RGR: variants seen among roughly 807,000 people sequenced by gnomAD.
The protein encoded by RGR is retinal G protein coupled receptor, also known as RPE-retinal G protein-coupled receptor.
A neutral mutation model predicts 28.6 loss-of-function variants in RGR; 30 were observed. The observed-to-expected ratio is 1.05, with a 90% CI of 0.78 to 1.42. RGR has a LOEUF of 1.42. Among genes scored for constraint, RGR ranks in the 40% most tolerant of loss-of-function variants. RGR has a pLI of 0.00. For missense variants in RGR, 404 were observed against 375.6 expected (o/e 1.08, Z -0.62); for synonymous variants, 180 against 156.4 (o/e 1.15, Z -1.13).
chr10:84,247,712 G>A lies in RGR; in HGVS notation c.201G>A (p.Leu67=), dbSNP rs372829444. 125 of 1,614,180 alleles carry A rather than the reference G, an allele frequency of 7.7e-5. No homozygotes were observed. Among genetic ancestry groups the A allele is most frequent in the Non-Finnish European group, 9.9e-5 (117 of 1,180,048 alleles). The change falls in exon 2 of 7, where the codon CTG becomes CTA. Residue 67 remains leucine (L), a synonymous_variant. Transcript: ENST00000652092. ...CTCTTGCGGACAGTGGGATCAGCCT[G>A]AATGCCCTCGTTGCAGCCACATCCA... The part of the protein sequence containing the change: ...SLALADSGIS[L]NALVAATSSL...
chr10:84,256,059 C>CTTTTTTTTTTTTTTTTTTTTTTT (rs61441525), intron 5 of RGR, among the ~76,000 whole-genome samples: 1 of 54,358 alleles, frequency 1.8e-5, no homozygotes, highest in Non-Finnish European at 3.1e-5. Context: ...TTTTTCCTTT[C>CTTTTTTTTTTTTTTTTTTTTTTT]TTTTTTTTTT....
At chr10:84,252,709 G>A in intron 3 of RGR, 148 bp from the exon 4 acceptor site, 1 of 1,035,928 alleles carries the variant, frequency 9.7e-7, no homozygotes, top group Non-Finnish European at 1.5e-6. Context: ...GGATGTAGTG[G>A]CTCAATCCTG....
Position 84,254,436 on chromosome 10 carries a change from A to G in RGR, c.623A>G (p.His208Arg). Residue 208 changes from histidine to arginine, a missense_variant, in exon 5 of 7, where the codon CAT becomes CGT. By Grantham distance (29) the His-to-Arg change is conservative. Transcript: ENST00000652092. ...LMEQKLGKSG[H>R]LQVNTTLPAR... ...GAGCAGAAACTGGGGAAGAGTGGCC[A>G]TCTCCAGGTAAGGACCCCCTTCCGG... The G allele has an allele frequency of 6.2e-7, 1 of 1,613,534 alleles. No individual in the cohort carries two copies. Among genetic ancestry groups the G allele is most frequent in the South Asian group, 1.1e-5 (1 of 91,054 alleles).
Position 84,252,996 on chromosome 10 carries a change from C to G in RGR, c.498C>G (p.Tyr166Ter). Residue 166 changes from tyrosine to a stop codon, truncating the protein, a stop_gained, in exon 4 of 7, where the codon TAC (tyrosine) becomes TAG (stop). Coordinates refer to ENST00000652092, the MANE Select transcript of RGR (RefSeq NM_001012720.2). LOFTEE classifies it high-confidence loss of function. ...EPLGTCCTLD[Y>*]SKGDRNFTSF... ...TGGGGACATGCTGCACCCTGGACTA[C>G]TCCAAGGGGGACAGGTGAGGTGGGA... The G allele has an allele frequency of 6.2e-7, 1 of 1,613,674 alleles. No individual in the cohort carries two copies.
intron 1 of RGR, among the ~76,000 whole-genome samples, chr10:84,247,242 A>C (rs1487062611): frequency 6.6e-6 from 1 of 152,076 alleles, no homozygotes; most frequent in Non-Finnish European, 1.5e-5. Flanking sequence ...TGAAATCCAA[A>C]AGGCCTGAAT....
At chr10:84,247,800 C>T in intron 2 of RGR, 53 bp downstream of exon 2, 1 of 1,612,490 alleles carries the variant, frequency 6.2e-7, no homozygotes, top group Non-Finnish European at 8.5e-7. Flanking sequence ...TGGGGCCTGA[C>T]CCCTGGGCCC....
intron 3 of RGR, among the ~76,000 whole-genome samples, chr10:84,252,076 G>T (rs1224817840): frequency 6.6e-6 from 1 of 152,216 alleles, no homozygotes; most frequent in Non-Finnish European, 1.5e-5. Context: ...CCAGATCCAG[G>T]AGGAACCACT....
At chr10:84,249,115 G>C in intron 3 of RGR, 72 bp downstream of exon 3, 2 of 1,592,924 alleles carry the variant, frequency 1.3e-6, no homozygotes, top group Non-Finnish European at 1.7e-6. Flanking sequence ...GGGAGGGGCA[G>C]TCATAACTAG....
At chr10:84,247,459 C>A in intron 1 of RGR, 132 bp from the exon 2 acceptor site, 1 of 1,087,422 alleles carries the variant, frequency 9.2e-7, no homozygotes, top group Non-Finnish European at 1.4e-6. Context: ...TAGCATGAAG[C>A]ATGCTACCCT....
intron 2 of RGR, 166 bp from the exon 3 acceptor site, chr10:84,248,756 C>G: frequency 7.9e-7 from 1 of 1,266,656 alleles, no homozygotes; most frequent in Non-Finnish European, 1.1e-6. Context: ...ACCCCTTCAG[C>G]CCAGTTACTT....
At chr10:84,248,825 G>A (rs1419682934) in intron 2 of RGR, 97 bp from the exon 3 acceptor site, 3 of 1,608,602 alleles carry the variant, frequency 1.9e-6, no homozygotes, top group Non-Finnish European at 2.6e-6. Flanking sequence ...GAGAAGAAGG[G>A]CAGCATTCAG....
At chr10:84,252,018 C>T (rs1842824095) in intron 3 of RGR, among the ~76,000 whole-genome samples, 1 of 151,952 alleles carries the variant, frequency 6.6e-6, no homozygotes, top group Non-Finnish European at 1.5e-5. Flanking sequence ...AGGAGTATGA[C>T]AAAAAAACAG....
In RGR at chr10:84,245,243, G is replaced by A. The variant is rs973899608; in HGVS notation, c.79+74G>A. 2.7e-6 allele frequency: 4 copies of A among 1,486,218 alleles called. No individual in the cohort carries two copies. In the African/African-American group the frequency reaches 4.1e-5, roughly 15 times the overall value. The allele number at this position is 1,486,218 out of a possible 1,614,324, so 92.1% of individuals were successfully genotyped here. On this transcript the variant is annotated intron_variant, in intron 1 of 6. Coordinates refer to ENST00000652092, the MANE Select transcript of RGR (RefSeq NM_001012720.2). The stretch of plus-strand genomic sequence containing the variant: ...GGACCCAGGCCACCAGTGTGGAGCT[G>A]GCAAGGAGAGGAGAGGTCCCCAAAC...
rs199679824 is a variant in RGR, at chr10:84,247,693, C to A, written c.182C>A (p.Ala61Glu). The change falls in exon 2 of 7, where the codon GCG (alanine) becomes GAG (glutamate). Residue 61 changes from alanine (A) to glutamate (E), a missense_variant. Ala to Glu is a moderately radical substitution (Grantham distance 107, BLOSUM62 -1). Coordinates refer to ENST00000652092, the MANE Select transcript of RGR (RefSeq NM_001012720.2). Reference sequence around the variant, plus strand: ...CTACTGGTGCTGAGCTTGGCTCTTGCGGACAGTGGGATCAGCCTGAATGCC... The same window carrying A: ...CTACTGGTGCTGAGCTTGGCTCTTGAGGACAGTGGGATCAGCCTGAATGCC... ...CHLLVLSLALADSGISLNALV... is the reference protein window; with the variant it reads ...CHLLVLSLALEDSGISLNALV... 6 of 1,614,174 alleles carry A rather than the reference C, an allele frequency of 3.7e-6. No individual in the cohort carries two copies. The South Asian group carries it at 5.5e-5, about 15-fold the overall frequency.
chr10:84,255,640 A>T (rs1842873787), intron 5 of RGR, among the ~76,000 whole-genome samples: 1 of 150,868 alleles, frequency 6.6e-6, no homozygotes, highest in East Asian at 1.9e-4. Flanking sequence ...GAGTCGTAAC[A>T]AGCAACAAAG....
rs114293579 is a variant in RGR at position 84,251,280 on chromosome 10, T to C, written c.359-1577T>C. On this transcript the variant is annotated intron_variant, in intron 3 of 6. Coordinates refer to ENST00000652092, the MANE Select transcript of RGR (RefSeq NM_001012720.2). Reference sequence around the variant, plus strand: ...ACAGGAAGAACTGACATCTTAACTATATTGAGTCTTCCTGTCCTTGCACGT... The same window carrying C: ...ACAGGAAGAACTGACATCTTAACTACATTGAGTCTTCCTGTCCTTGCACGT... Among the ~76,000 whole-genome samples the C allele has an allele frequency of 3.6e-3, 543 of 152,268 alleles. 5 individuals are homozygous for C. The highest frequency in any genetic ancestry group is 0.013 in the African/African-American group (520 of 41,550).
In RGR at chr10:84,247,763, C is replaced by T. The variant is rs1842766023; in HGVS notation, c.236+16C>T. On this transcript the variant is annotated intron_variant, in intron 2 of 6. Transcript: ENST00000652092. ...GCCTTCTCCGGTACCAGCCCCCTCC[C>T]CAGTCCACAGGCTCTGGGGTCCTGC... 4 of 1,614,062 alleles carry T rather than the reference C, an allele frequency of 2.5e-6. No individual in the cohort carries two copies. The East Asian group carries it at 8.9e-5, about 36-fold the overall frequency.
chr10:84,246,977 G>A (rs1424768783), intron 1 of RGR, among the ~76,000 whole-genome samples: 1 of 152,206 alleles, frequency 6.6e-6, no homozygotes, highest in Non-Finnish European at 1.5e-5. Context: ...GCAGGTAAGT[G>A]CTTCTCATAG....
chr10:84,258,672 A>G lies in RGR; in HGVS notation c.*33A>G. On this transcript the variant is annotated 3_prime_UTR_variant, in exon 7 of 7. Coordinates refer to ENST00000652092, the MANE Select transcript of RGR (RefSeq NM_001012720.2). ...ACCCTGGAGTGAGCCCCAGGCCAGG[A>G]GGCTGTTCCAGGAGTCCTGCCCAGC... 4 of 1,613,426 alleles carry G rather than the reference A, an allele frequency of 2.5e-6. No homozygotes were observed. The highest frequency in any genetic ancestry group is 3.4e-6 in the Non-Finnish European group (4 of 1,179,774).
Sources: allele counts gnomAD v4.1 joint callset (sites outside exome capture counted in the v4.1 genomes callset), GRCh38; gene constraint gnomAD v4.1.1; transcripts MANE v1.5; gene names NCBI Gene and HGNC (gene_info 2026-07-23, HGNC 2026-07-21).